The following ADCY2 variants were observed in gnomAD, a reference collection of about 807,000 sequenced individuals.
The protein encoded by ADCY2 is adenylate cyclase type 2.
Under a neutral mutation model 125.2 loss-of-function variants are expected in ADCY2, and 31 were observed. The ratio of observed to expected loss-of-function variants is 0.25; its 90% CI spans 0.19 to 0.33. The LOEUF (loss-of-function observed/expected upper bound fraction) is 0.33. Ranked by LOEUF, ADCY2 falls within the 10% of genes least tolerant of loss-of-function variation. The probability of loss-of-function intolerance (pLI) is 1.00; values close to 1 mark genes in which losing one functional copy is unlikely to be tolerated. For synonymous variants in ADCY2, 512 were observed against 548.4 expected (o/e 0.93, Z 0.93); for missense variants, 904 against 1,418.2 (o/e 0.64, Z 5.82).
intron 1 of ADCY2, among the ~76,000 whole-genome samples, chr5:7,413,460 ATTTTT>A (rs556822915): frequency 6.8e-6 from 1 of 147,720 alleles, no homozygotes; most frequent in Non-Finnish European, 1.5e-5. Flanking sequence ...CGCGCGGCTA[ATTTTT>A]TTTTTTGTAT....
At chr5:7,701,043 A>G (rs889176525) in intron 7 of ADCY2, among the ~76,000 whole-genome samples, 1 of 152,062 alleles carries the variant, frequency 6.6e-6, no homozygotes, top group African/African-American at 2.4e-5. Flanking sequence ...TTTTAATTCT[A>G]TGGATCTAGG....
chr5:7,628,465 G>GT (rs1209653431), intron 4 of ADCY2, among the ~76,000 whole-genome samples: 1 of 152,144 alleles, frequency 6.6e-6, no homozygotes, highest in East Asian at 1.9e-4. Context: ...TGAGCTGAGG[G>GT]TAAGAGGAGC....
chr5:7,567,858 C>T (rs1278460182), intron 3 of ADCY2, among the ~76,000 whole-genome samples: 1 of 151,864 alleles, frequency 6.6e-6, no homozygotes, highest in Non-Finnish European at 1.5e-5. Flanking sequence ...AAAATCTAAC[C>T]TACACTGAAT....
intron 17 of ADCY2, among the ~76,000 whole-genome samples, chr5:7,771,346 G>A (rs1743552555): frequency 6.6e-6 from 1 of 152,138 alleles, no homozygotes; most frequent in Admixed American, 6.6e-5. Context: ...GTGGAGACTT[G>A]ACATCGGGCA....
chr5:7,577,602 G>A (rs752295514), intron 3 of ADCY2, among the ~76,000 whole-genome samples: 73 of 152,140 alleles, frequency 4.8e-4, no homozygotes, highest in Non-Finnish European at 8.2e-4. Context: ...AACAGCTGAT[G>A]AAACTTAGGA....
chr5:7,738,060 G>A (rs931876823), intron 14 of ADCY2, among the ~76,000 whole-genome samples: 1 of 152,158 alleles, frequency 6.6e-6, no homozygotes, highest in Non-Finnish European at 1.5e-5. Flanking sequence ...GTGAAATTAT[G>A]TCAGAAGGAA....
intron 2 of ADCY2, among the ~76,000 whole-genome samples, chr5:7,417,022 T>G (rs553194780): frequency 3.9e-5 from 6 of 152,326 alleles, no homozygotes; most frequent in Admixed American, 2.6e-4. Context: ...ATATTGAATT[T>G]CTAAATTTTT....
At chr5:7,455,795 ATTC>A (rs1339219289) in intron 2 of ADCY2, among the ~76,000 whole-genome samples, 16 of 145,372 alleles carry the variant, frequency 1.1e-4, no homozygotes, top group East Asian at 3.9e-4. Flanking sequence ...TAACACATAT[ATTC>A]TTATTATTAT....
At position 7,501,618 on chromosome 5, in the gene ADCY2, C is replaced by A. The variant is rs1417422533; in HGVS notation, c.409-19120C>A. ...CATAGGATTAGATGTTTCCTCATAT[C>A]CCATCAAAAAAGAATGAGATTCCCC... On this transcript the variant is annotated intron_variant, in intron 2 of 24. Coordinates refer to ENST00000338316, the MANE Select transcript of ADCY2 (RefSeq NM_020546.3). 2.1e-5 allele frequency among the ~76,000 whole-genome samples: 2 copies of A among 96,766 alleles called. 1 individual carries two copies. The highest frequency in any genetic ancestry group is 4.3e-5 in the Non-Finnish European group (2 of 46,496). The allele number at this position is 96,766 out of a possible 152,430, so 63.5% of individuals were successfully genotyped here.
intron 1 of ADCY2, among the ~76,000 whole-genome samples, chr5:7,410,960 C>G (rs778208201): frequency 3.9e-5 from 6 of 152,104 alleles, no homozygotes; most frequent in Non-Finnish European, 8.8e-5. Flanking sequence ...GAGAAGCTGT[C>G]ATCCTAGGTC....
At chr5:7,683,008 T>C (rs1202228619) in intron 4 of ADCY2, among the ~76,000 whole-genome samples, 1 of 152,202 alleles carries the variant, frequency 6.6e-6, no homozygotes, top group Non-Finnish European at 1.5e-5. Context: ...CTCGGTGGGA[T>C]CATTCCTGCT....
rs1178671610 is a variant in ADCY2, at chr5:7,693,409, TTTTG to T, written c.870-2339_870-2336del. Reference sequence around the variant, plus strand: ...CCTTGCATCACAATTGCCTGCTGTTTTTTGTTTTTTTTTTTTTTTTTTTTTTTGA... The same window carrying T: ...CCTTGCATCACAATTGCCTGCTGTTTTTTTTTTTTTTTTTTTTTTTTTTGA... On this transcript the variant is annotated intron_variant, in intron 5 of 24. Transcript: ENST00000338316. Among the ~76,000 whole-genome samples, 39 of 66,056 alleles carry T rather than the reference TTTTG, an allele frequency of 5.9e-4. 3 individuals carry two copies. The highest frequency in any genetic ancestry group is 8.7e-4 in the Non-Finnish European group (24 of 27,608). The allele number at this position is 66,056 out of a possible 152,430, so 43.3% of individuals were successfully genotyped here.
At chr5:7,599,271 G>A (rs965397584) in intron 3 of ADCY2, among the ~76,000 whole-genome samples, 1 of 152,184 alleles carries the variant, frequency 6.6e-6, no homozygotes, top group Non-Finnish European at 1.5e-5. Flanking sequence ...ATCCAGAGTT[G>A]ATTGAGAAAT....
rs112838935 is a variant in ADCY2, at chr5:7,822,862, C to T, written c.3123+2173C>T. ...CTAAATGGAAAATTTATATGAAAGT[C>T]ACCGGACTTGCACTATAGATTTATC... On this transcript the variant is annotated intron_variant, in intron 24 of 24. Coordinates refer to ENST00000338316, the MANE Select transcript of ADCY2 (RefSeq NM_020546.3). Among the ~76,000 whole-genome samples the T allele has an allele frequency of 5.7e-3, 861 of 152,330 alleles. 11 individuals carry two copies. Among genetic ancestry groups the T allele is most frequent in the African/African-American group, 0.02 (827 of 41,566 alleles).
At chr5:7,576,601 A>G (rs1169390174) in intron 3 of ADCY2, among the ~76,000 whole-genome samples, 2 of 152,250 alleles carry the variant, frequency 1.3e-5, no homozygotes, top group Non-Finnish European at 1.5e-5. Flanking sequence ...TGTGTGCCAG[A>G]CACTAGACAA....
chr5:7,619,371 G>A (rs554726461), intron 3 of ADCY2, among the ~76,000 whole-genome samples: 17 of 152,286 alleles, frequency 1.1e-4, no homozygotes, highest in African/African-American at 3.6e-4. Flanking sequence ...TGCAGAAATG[G>A]TCTGCAGAAT....
At chr5:7,480,631 C>G (rs1215842496) in intron 2 of ADCY2, among the ~76,000 whole-genome samples, 2 of 151,894 alleles carry the variant, frequency 1.3e-5, no homozygotes, top group African/African-American at 4.8e-5. Flanking sequence ...GGGGGAGGAT[C>G]CGGAAAAATG....
intron 4 of ADCY2, among the ~76,000 whole-genome samples, chr5:7,645,214 G>A (rs1738854189): frequency 6.6e-6 from 1 of 152,134 alleles, no homozygotes; most frequent in Admixed American, 6.6e-5. Flanking sequence ...GCTTATTAAA[G>A]ATATATATTT....
At chr5:7,670,832 C>T (rs955255553) in intron 4 of ADCY2, among the ~76,000 whole-genome samples, 1 of 152,162 alleles carries the variant, frequency 6.6e-6, no homozygotes, top group African/African-American at 2.4e-5. Context: ...AGCGGTAATG[C>T]TCACTAACCC....
Sources: gnomAD v4.1 joint callset for allele counts (sites outside exome capture counted in the v4.1 genomes callset) on GRCh38, gnomAD v4.1.1 for gene constraint, MANE v1.5 for transcripts, NCBI Gene and HGNC (gene_info 2026-07-23, HGNC 2026-07-21) for gene names.